The following CBLB variants were observed in gnomAD, a reference collection of about 807,000 sequenced individuals.
CBLB encodes the protein Cbl proto-oncogene B, also known as E3 ubiquitin-protein ligase CBL-B.
A neutral mutation model predicts 104.9 loss-of-function variants in CBLB; 31 were observed. The ratio of observed to expected loss-of-function variants is 0.30; its 90% CI spans 0.22 to 0.40. CBLB has a LOEUF of 0.40. CBLB is among the 10% of genes least tolerant of loss of function. The pLI is 1.00. For synonymous variants in CBLB, 440 were observed against 422.6 expected (o/e 1.04, Z -0.51); for missense variants, 1,062 against 1,214.6 (o/e 0.87, Z 1.87).
At chr3:105,816,118 G>A (rs1560374366) in intron 3 of CBLB, among the ~76,000 whole-genome samples, 1 of 151,840 alleles carries the variant, frequency 6.6e-6, no homozygotes, top group Non-Finnish European at 1.5e-5. Context: ...TGGGTTGATG[G>A]GTGCAGTTAA....
rs1045871538 is a variant in CBLB at position 105,663,410 on chromosome 3, T to G, written c.2690-4181A>C. Among the ~76,000 whole-genome samples, 47 of 152,304 alleles carry G rather than the reference T, an allele frequency of 3.1e-4. 1 individual carries two copies. Among genetic ancestry groups the G allele is most frequent in the Non-Finnish European group, 4.1e-4 (28 of 68,042 alleles). The stretch of plus-strand genomic sequence containing the variant: ...GATGAGGAGGTAACGATTGGTCAGC[T>G]GCTTGACTGATCACAGGTTCACATT... On this transcript the variant is annotated intron_variant, in intron 18 of 18. Coordinates refer to ENST00000394030, the MANE Select transcript of CBLB (RefSeq NM_170662.5).
At chr3:105,776,990 G>T (rs976419594) in intron 3 of CBLB, among the ~76,000 whole-genome samples, 8 of 152,164 alleles carry the variant, frequency 5.3e-5, no homozygotes, top group African/African-American at 1.9e-4. Flanking sequence ...GGAGAGGAGA[G>T]AAAGGGAGGA....
chr3:105,678,241 T>C (rs1331941914), intron 17 of CBLB, among the ~76,000 whole-genome samples, 190 bp downstream of exon 17: 1 of 152,188 alleles, frequency 6.6e-6, no homozygotes, highest in African/African-American at 2.4e-5. Context: ...TCCATCTCTG[T>C]AATTATGTTG....
intron 4 of CBLB, among the ~76,000 whole-genome samples, chr3:105,773,618 T>C (rs1277193368): frequency 6.6e-6 from 1 of 152,268 alleles, no homozygotes; most frequent in African/African-American, 2.4e-5. Flanking sequence ...TTAACGCTAG[T>C]AATATATTTT....
rs1474698502 is a variant in CBLB at position 105,731,977 on chromosome 3, G to A, written c.1203+2032C>T. On this transcript the variant is annotated intron_variant, in intron 9 of 18. Transcript: ENST00000394030. ...TACACAAGCCCTGCATGGAGGCAGA[G>A]TGTTAGGAATTTGTATCAGCCTATT... is the stretch of plus-strand genomic sequence containing the variant. Among the ~76,000 whole-genome samples, 2 of 152,334 alleles carry A rather than the reference G, an allele frequency of 1.3e-5. 1 individual carries two copies.
At chr3:105,734,969 G>GA (rs2074743411) in intron 8 of CBLB, among the ~76,000 whole-genome samples, 1 of 151,720 alleles carries the variant, frequency 6.6e-6, no homozygotes, top group African/African-American at 2.4e-5. Flanking sequence ...TGGTAAATTT[G>GA]AAAAAATACA....
chr3:105,868,679 G>A (rs1706597341), intron 1 of CBLB, 57 bp downstream of exon 1: 2 of 990,562 alleles, frequency 2.0e-6, no homozygotes, highest in Non-Finnish European at 2.4e-6. Flanking sequence ...TGGCTACCCC[G>A]GGCCCCCGGG....
At chr3:105,856,378 A>G (rs895068901) in intron 2 of CBLB, among the ~76,000 whole-genome samples, 11 of 151,834 alleles carry the variant, frequency 7.2e-5, no homozygotes, top group Middle Eastern at 3.4e-3. Context: ...AGAAAAGGAA[A>G]AAAAAAAGAA....
chr3:105,833,553 T>C (rs2087911700), intron 3 of CBLB, among the ~76,000 whole-genome samples: 1 of 152,178 alleles, frequency 6.6e-6, no homozygotes, highest in Non-Finnish European at 1.5e-5. Context: ...GCAACCAGTT[T>C]TGTTTTCTGA....
At chr3:105,699,470 T>G (rs188729568) in intron 12 of CBLB, among the ~76,000 whole-genome samples, 5 of 152,168 alleles carry the variant, frequency 3.3e-5, no homozygotes, top group Admixed American at 2.6e-4. Flanking sequence ...ATAAGTAAGG[T>G]TGGGGACAAA....
At chr3:105,757,547 T>G (rs1437842232) in intron 4 of CBLB, among the ~76,000 whole-genome samples, 1 of 152,212 alleles carries the variant, frequency 6.6e-6, no homozygotes, top group Non-Finnish European at 1.5e-5. Context: ...ACTGTAAACA[T>G]GGATTATGTT....
At chr3:105,820,427 A>T (rs1365343494) in intron 3 of CBLB, among the ~76,000 whole-genome samples, 3 of 152,206 alleles carry the variant, frequency 2.0e-5, no homozygotes, top group Non-Finnish European at 2.9e-5. Context: ...TTAAAATAGT[A>T]GAAGCAAGGT....
In CBLB at chr3:105,847,225, T is replaced by C. The variant is rs184286462; in HGVS notation, c.419+6189A>G. On this transcript the variant is annotated intron_variant, in intron 3 of 18. Coordinates refer to ENST00000394030, the MANE Select transcript of CBLB (RefSeq NM_170662.5). ...TAGTCCTTTAAGGGGAAAGGCACTTTATTAATGGAGCAGATTACAAATTAT... is the reference window on the plus strand; with the variant it reads ...TAGTCCTTTAAGGGGAAAGGCACTTCATTAATGGAGCAGATTACAAATTAT... 5.9e-5 allele frequency among the ~76,000 whole-genome samples: 9 copies of C among 152,186 alleles called. No homozygotes were observed. In the East Asian group the frequency reaches 1.7e-3, roughly 29 times the overall value.
chr3:105,803,896 A>T (rs1342982280), intron 3 of CBLB, among the ~76,000 whole-genome samples: 1 of 152,190 alleles, frequency 6.6e-6, no homozygotes, highest in African/African-American at 2.4e-5. Context: ...TCATGAAAAT[A>T]ACAAGACACT....
chr3:105,864,589 C>A (rs2092316362), intron 2 of CBLB, among the ~76,000 whole-genome samples: 1 of 152,140 alleles, frequency 6.6e-6, no homozygotes, highest in Admixed American at 6.5e-5. Context: ...ATCTACTATT[C>A]TTTTCCTCAA....
rs2305037 is a variant in CBLB, at chr3:105,704,000, C to T, written c.1581G>A (p.Thr527=). The T allele has an allele frequency of 0.73, 1,172,770 of 1,613,292 alleles. 427,984 individuals carry two copies. The highest frequency in any genetic ancestry group is 0.83 in the Middle Eastern group (5,029 of 6,060). The change falls in exon 11 of 19, where the codon ACG becomes ACA. Residue 527 remains threonine, a synonymous_variant. Transcript: ENST00000394030. ...GIVRSPCGSP[T]GSPKSSPCMV... The stretch of plus-strand genomic sequence containing the variant: ...AAAATTGATCTACCTTTGGTGAACC[C>T]GTTGGGCTGCCACAGGGAGATCTAA...
intron 2 of CBLB, 128 bp downstream of exon 2, chr3:105,867,282 T>C (rs1276775402): frequency 1.0e-5 from 10 of 984,622 alleles, no homozygotes; most frequent in Non-Finnish European, 1.6e-5. Context: ...TGAAGAAAAA[T>C]GATGAATTGA....
intron 3 of CBLB, among the ~76,000 whole-genome samples, chr3:105,815,157 T>C (rs748083206): frequency 6.6e-5 from 10 of 152,168 alleles, no homozygotes; most frequent in Non-Finnish European, 1.5e-4. Context: ...TCATACTGTC[T>C]TTTGTAAACC....
At chr3:105,735,130 T>A (rs370127144) in intron 8 of CBLB, among the ~76,000 whole-genome samples, 1 of 152,302 alleles carries the variant, frequency 6.6e-6, no homozygotes, top group East Asian at 1.9e-4. Context: ...TAATATTTAG[T>A]CCACAGACTA....
Sources: gnomAD v4.1 joint callset for allele counts (sites outside exome capture counted in the v4.1 genomes callset) on GRCh38, gnomAD v4.1.1 for gene constraint, MANE v1.5 for transcripts, NCBI Gene and HGNC (gene_info 2026-07-23, HGNC 2026-07-21) for gene names.